Variants in CCSER1 observed in about 807,000 individuals in gnomAD.
The protein encoded by CCSER1 is serine-rich coiled-coil domain-containing protein 1.
In CCSER1, 41 loss-of-function variants were observed where a neutral mutation model predicts 82.0. The ratio of observed to expected loss-of-function variants is 0.50; its 90% CI spans 0.39 to 0.65. CCSER1 has a LOEUF of 0.65. Among genes scored for constraint, CCSER1 ranks in the 30% least tolerant of loss-of-function variants. The pLI is 0.00. For synonymous variants in CCSER1, 414 were observed against 383.9 expected, an observed-to-expected ratio of 1.08 and a Z score of -0.92; for missense variants, 1,119 against 1,064.2, an observed-to-expected ratio of 1.05 and a Z score of -0.72.
intron 9 of CCSER1, among the ~76,000 whole-genome samples, chr4:91,008,197 A>T (rs1738690617): frequency 6.6e-6 from 1 of 152,124 alleles, no homozygotes; most frequent in African/African-American, 2.4e-5. Flanking sequence ...GAATATTCTG[A>T]TATATCCCTC....
chr4:91,591,251 A>C (rs2110340385), intron 10 of CCSER1, among the ~76,000 whole-genome samples: 1 of 152,272 alleles, frequency 6.6e-6, no homozygotes. Context: ...ATTTATTTAT[A>C]AATTTCAATA....
In CCSER1 at chr4:90,446,861, C is replaced by T. The variant is rs922202954; in HGVS notation, c.1604-21373C>T. On this transcript the variant is annotated intron_variant, in intron 4 of 10. Coordinates refer to ENST00000509176, the MANE Select transcript of CCSER1 (RefSeq NM_001145065.2). ...CTCAGCCTACTTAATGTGAAGATGA[C>T]GAGGATGAAGACTTTTATGATGATC... 5.9e-5 allele frequency among the ~76,000 whole-genome samples: 9 copies of T among 152,192 alleles called. No homozygotes were observed. The East Asian group carries it at 7.7e-4, about 13-fold the overall frequency.
At chr4:90,208,794 A>T (rs1739415176) in intron 1 of CCSER1, among the ~76,000 whole-genome samples, 1 of 151,912 alleles carries the variant, frequency 6.6e-6, no homozygotes, top group African/African-American at 2.4e-5. Flanking sequence ...AGGTGAGGTG[A>T]TGCCCTATCT....
chr4:90,735,214 A>C (rs575672363), intron 7 of CCSER1, among the ~76,000 whole-genome samples: 1 of 152,256 alleles, frequency 6.6e-6, no homozygotes, highest in East Asian at 1.9e-4. Context: ...GGGTTGTTGA[A>C]TGCAGTTTGC....
At chr4:90,518,377 C>T (rs910509902) in intron 5 of CCSER1, among the ~76,000 whole-genome samples, 4 of 152,068 alleles carry the variant, frequency 2.6e-5, no homozygotes, top group Non-Finnish European at 5.9e-5. Flanking sequence ...CAAGTCTTGA[C>T]ATTTAAACTT....
intron 10 of CCSER1, among the ~76,000 whole-genome samples, chr4:91,121,870 A>G (rs1267327205): frequency 6.6e-6 from 1 of 151,614 alleles, no homozygotes; most frequent in Non-Finnish European, 1.5e-5. Context: ...CATAATTTCT[A>G]TAGAAATATA....
At chr4:90,381,893 T>C (rs1749267625) in intron 3 of CCSER1, among the ~76,000 whole-genome samples, 1 of 152,126 alleles carries the variant, frequency 6.6e-6, no homozygotes, top group East Asian at 1.9e-4. Context: ...TAAATTCCAC[T>C]AATTTATATA....
intron 3 of CCSER1, among the ~76,000 whole-genome samples, chr4:90,342,787 G>T (rs1440605723): frequency 1.3e-5 from 2 of 152,020 alleles, no homozygotes; most frequent in Admixed American, 6.6e-5. Context: ...TTTCCTCATT[G>T]TTACCATCGG....
chr4:90,242,684 CAATT>C (rs1720588436), intron 1 of CCSER1, among the ~76,000 whole-genome samples: 1 of 151,998 alleles, frequency 6.6e-6, no homozygotes, highest in Non-Finnish European at 1.5e-5. Flanking sequence ...ATAAGGATAA[CAATT>C]AATTATAGAG....
At chr4:91,485,528 A>G (rs1342050497) in intron 10 of CCSER1, among the ~76,000 whole-genome samples, 2 of 152,146 alleles carry the variant, frequency 1.3e-5, no homozygotes, top group Non-Finnish European at 2.9e-5. Flanking sequence ...CAGCGGTTGA[A>G]TACTCTCCTG....
At chr4:90,204,357 G>GTCT (rs1217073795) in intron 1 of CCSER1, among the ~76,000 whole-genome samples, 2 of 152,106 alleles carry the variant, frequency 1.3e-5, no homozygotes, top group Non-Finnish European at 2.9e-5. Context: ...TCCATCTTGA[G>GTCT]TTAATTTTTG....
chr4:90,978,090 C>T (rs899731627), intron 9 of CCSER1, among the ~76,000 whole-genome samples: 1 of 151,482 alleles, frequency 6.6e-6, no homozygotes, highest in Admixed American at 6.6e-5. Flanking sequence ...ATTCAAAATA[C>T]GAGTGGATAT....
intron 10 of CCSER1, among the ~76,000 whole-genome samples, chr4:91,235,998 C>G (rs1384459693): frequency 6.7e-6 from 1 of 149,916 alleles, no homozygotes; most frequent in African/African-American, 2.5e-5. Flanking sequence ...ATTATTAAAC[C>G]AAGGATCAAA....
In CCSER1 at chr4:91,502,198, C is replaced by T. The variant is rs542221744; in HGVS notation, c.2218-96374C>T. 6.6e-5 allele frequency among the ~76,000 whole-genome samples: 10 copies of T among 152,066 alleles called. No homozygotes were observed. In the South Asian group the frequency reaches 1.9e-3, roughly 28 times the overall value. On this transcript the variant is annotated intron_variant, in intron 10 of 10. Transcript: ENST00000509176. ...GAACATGAAGTTGACAAAAGGACTACCTAGTTTTAAAAAGATTTCTTATTA... is the reference window on the plus strand; with the variant it reads ...GAACATGAAGTTGACAAAAGGACTATCTAGTTTTAAAAAGATTTCTTATTA...
rs559265470 is a variant in CCSER1, at chr4:90,389,494, A to G, written c.1510-10542A>G. 1.1e-3 allele frequency among the ~76,000 whole-genome samples: 167 copies of G among 152,342 alleles called. 1 individual carries two copies. Among genetic ancestry groups the G allele is most frequent in the Non-Finnish European group, 1.8e-3 (125 of 68,030 alleles). The stretch of plus-strand genomic sequence containing the variant: ...TTCTTCATCAAAATAGTTTGGAAAC[A>G]TGACATCTCATTTCCTGTAATTAAA... On this transcript the variant is annotated intron_variant, in intron 3 of 10. Coordinates refer to ENST00000509176, the MANE Select transcript of CCSER1 (RefSeq NM_001145065.2).
At chr4:90,432,290 G>A (rs1210084960) in intron 4 of CCSER1, among the ~76,000 whole-genome samples, 1 of 152,110 alleles carries the variant, frequency 6.6e-6, no homozygotes, top group African/African-American at 2.4e-5. Flanking sequence ...TCAAAAAAAT[G>A]AGAGATGGGC....
intron 10 of CCSER1, among the ~76,000 whole-genome samples, chr4:91,578,758 T>A (rs560902620): frequency 1.2e-4 from 19 of 152,078 alleles, no homozygotes; most frequent in African/African-American, 4.6e-4. Context: ...CTGAGGAATA[T>A]CTTTTTCCCA....
At chr4:91,096,825 C>T (rs558960769) in intron 10 of CCSER1, among the ~76,000 whole-genome samples, 28 of 152,268 alleles carry the variant, frequency 1.8e-4, no homozygotes, top group African/African-American at 6.5e-4. Flanking sequence ...AAAGAGGGCA[C>T]ACACACACCT....
At chr4:91,078,106 C>A (rs1433022528) in intron 9 of CCSER1, among the ~76,000 whole-genome samples, 4 of 152,198 alleles carry the variant, frequency 2.6e-5, no homozygotes, top group Non-Finnish European at 5.9e-5. Flanking sequence ...GTTCTTCCAG[C>A]ACAGAGTTTG....
Sources: allele counts gnomAD v4.1 joint callset (sites outside exome capture counted in the v4.1 genomes callset), GRCh38; gene constraint gnomAD v4.1.1; transcripts MANE v1.5; gene names NCBI Gene and HGNC (gene_info 2026-07-23, HGNC 2026-07-21).